Variants in TIAM1 observed in about 807,000 individuals in gnomAD.
TIAM1 encodes rho guanine nucleotide exchange factor TIAM1.
Under a neutral mutation model 163.5 loss-of-function variants are expected in TIAM1, and 65 were observed. The observed-to-expected ratio is 0.40, with a 90% CI of 0.33 to 0.49. The LOEUF (loss-of-function observed/expected upper bound fraction) is 0.49, where lower values mean the gene tolerates loss of function less well. TIAM1 is among the 20% of genes least tolerant of loss of function. The probability of loss-of-function intolerance (pLI) is 0.77; values close to 1 mark genes in which losing one functional copy is unlikely to be tolerated. For missense variants in TIAM1, 1,789 were observed against 2,044.7 expected (o/e 0.87, Z 2.41); for synonymous variants, 833 against 810.1 (o/e 1.03, Z -0.48).
chr21:31,202,372 C>T (rs1468674117), intron 12 of TIAM1, among the ~76,000 whole-genome samples: 2 of 149,388 alleles, frequency 1.3e-5, no homozygotes, highest in African/African-American at 5.0e-5. Flanking sequence ...GGCAACAAAG[C>T]AGGATCCTGT....
At chr21:31,416,019 T>C (rs988634516) in intron 2 of TIAM1, among the ~76,000 whole-genome samples, 5 of 152,226 alleles carry the variant, frequency 3.3e-5, no homozygotes, top group African/African-American at 4.8e-5. Context: ...GATTTCATTC[T>C]TCCCTAATGA....
chr21:31,351,722 A>G (rs972879426), intron 2 of TIAM1, among the ~76,000 whole-genome samples: 2 of 152,174 alleles, frequency 1.3e-5, no homozygotes, highest in African/African-American at 4.8e-5. Context: ...CTGGTCAAAG[A>G]TACAGACTTC....
intron 1 of TIAM1, among the ~76,000 whole-genome samples, chr21:31,485,684 G>T (rs537662727): frequency 6.6e-6 from 1 of 152,242 alleles, no homozygotes; most frequent in African/African-American, 2.4e-5. Flanking sequence ...GGAGGGGCTT[G>T]TACGGCTTGT....
Position 31,136,346 on chromosome 21 carries a change from C to T in TIAM1, c.3775-305G>A, listed in dbSNP as rs367897409. ...AGACTACATTTTTTAAAAATATTTT[C>T]GATTTGTGACTGTCTCAATAAACAC... On this transcript the variant is annotated intron_variant, in intron 22 of 27. Transcript: ENST00000541036. 1.1e-4 allele frequency among the ~76,000 whole-genome samples: 16 copies of T among 152,180 alleles called. No homozygotes were observed. In the South Asian group the frequency reaches 1.7e-3, roughly 16 times the overall value.
intron 1 of TIAM1, among the ~76,000 whole-genome samples, chr21:31,525,747 T>A (rs2047757645): frequency 6.6e-6 from 1 of 151,954 alleles, no homozygotes; most frequent in Non-Finnish European, 1.5e-5. Context: ...AATTATGTCA[T>A]CCGACGCCAG....
intron 17 of TIAM1, among the ~76,000 whole-genome samples, chr21:31,153,574 C>T (rs2083476639): frequency 6.6e-6 from 1 of 152,134 alleles, no homozygotes; most frequent in Non-Finnish European, 1.5e-5. Flanking sequence ...GAAATGTGAC[C>T]AGGTGTCAGA....
intron 15 of TIAM1, among the ~76,000 whole-genome samples, chr21:31,167,878 G>C (rs981627308): frequency 6.6e-6 from 1 of 152,246 alleles, no homozygotes; most frequent in East Asian, 1.9e-4. Flanking sequence ...AGAAAACAGG[G>C]CTTGGGTCAG....
rs1318002499 is a variant in TIAM1, at chr21:31,204,071, G to GT, written c.2389-1060dup. The stretch of plus-strand genomic sequence containing the variant: ...AGGAATAAGTAATAATACCAACATG[G>GT]TTTTATAAATCATTCTCAGTAGACA... On this transcript the variant is annotated intron_variant, in intron 11 of 27. Coordinates refer to ENST00000541036, the MANE Select transcript of TIAM1 (RefSeq NM_001353694.2). Among the ~76,000 whole-genome samples the GT allele has an allele frequency of 2.0e-5, 3 of 152,026 alleles. No homozygotes were observed. The South Asian group carries it at 6.2e-4, about 32-fold the overall frequency.
intron 2 of TIAM1, among the ~76,000 whole-genome samples, chr21:31,440,328 C>T (rs2044372937): frequency 1.3e-5 from 2 of 152,170 alleles, no homozygotes; most frequent in Admixed American, 1.3e-4. Flanking sequence ...AACTACATCT[C>T]ATGCAGGTCC....
chr21:31,473,429 CAAAAAAAA>C (rs56691495), intron 1 of TIAM1, among the ~76,000 whole-genome samples: 2,700 of 75,642 alleles, frequency 0.036, 145 homozygotes, highest in African/African-American at 0.11. Context: ...GACTCCATCT[CAAAAAAAA>C]AAAAAAAAAA....
At chr21:31,285,760 C>A (rs1049641060) in intron 2 of TIAM1, among the ~76,000 whole-genome samples, 1 of 152,144 alleles carries the variant, frequency 6.6e-6, no homozygotes, top group Non-Finnish European at 1.5e-5. Context: ...ACTCGGGAGG[C>A]TGAGGCAGGA....
chr21:31,450,060 T>C (rs1047207409), intron 2 of TIAM1, among the ~76,000 whole-genome samples: 15 of 152,318 alleles, frequency 9.8e-5, no homozygotes, highest in Non-Finnish European at 1.8e-4. Flanking sequence ...TGGAAGGAGC[T>C]GCTCGTGAAT....
chr21:31,493,015 A>G (rs2046524278), intron 1 of TIAM1, among the ~76,000 whole-genome samples: 1 of 152,094 alleles, frequency 6.6e-6, no homozygotes, highest in Non-Finnish European at 1.5e-5. Flanking sequence ...TAAGTTGATG[A>G]TGAGTATCTG....
intron 2 of TIAM1, among the ~76,000 whole-genome samples, chr21:31,310,051 T>C (rs2074865354): frequency 6.6e-6 from 1 of 152,212 alleles, no homozygotes; most frequent in African/African-American, 2.4e-5. Context: ...TAAGTTTAAA[T>C]ACCCAACAGT....
intron 6 of TIAM1, among the ~76,000 whole-genome samples, chr21:31,228,451 A>T (rs995171842): frequency 2.6e-5 from 4 of 152,044 alleles, no homozygotes; most frequent in African/African-American, 9.7e-5. Flanking sequence ...CTCTGGGTAC[A>T]CACTCAAGAG....
chr21:31,429,755 G>A (rs1602257949), intron 2 of TIAM1, among the ~76,000 whole-genome samples: 1 of 152,166 alleles, frequency 6.6e-6, no homozygotes, highest in Admixed American at 6.5e-5. Context: ...GGAGTCTTCT[G>A]TGCACCGCTC....
At chr21:31,392,953 GTCT>G (rs1320784419) in intron 2 of TIAM1, among the ~76,000 whole-genome samples, 2 of 123,728 alleles carry the variant, frequency 1.6e-5, no homozygotes, top group Non-Finnish European at 3.3e-5. Context: ...AAATAAACCT[GTCT>G]TCTTTTTTTT....
At chr21:31,188,126 T>C (rs2085385275) in intron 13 of TIAM1, among the ~76,000 whole-genome samples, 1 of 152,078 alleles carries the variant, frequency 6.6e-6, no homozygotes, top group Admixed American at 6.6e-5. Flanking sequence ...TTTTAGGCCA[T>C]GTCATGATGA....
At chr21:31,466,759 G>A (rs2833413) in intron 1 of TIAM1, among the ~76,000 whole-genome samples, 128,233 of 152,138 alleles carry the variant, frequency 0.84, 54,638 homozygotes, top group African/African-American at 0.95. Context: ...ATTTCTTCCC[G>A]CGTATAATTG....
Sources: allele counts gnomAD v4.1 joint callset (sites outside exome capture counted in the v4.1 genomes callset), GRCh38; gene constraint gnomAD v4.1.1; transcripts MANE v1.5; gene names NCBI Gene and HGNC (gene_info 2026-07-23, HGNC 2026-07-21).